Variants in ENTHD1 observed in about 807,000 individuals in gnomAD.
ENTHD1 encodes ENTH domain containing 1.
ENTHD1 carries 23 observed loss-of-function variants against 39.1 expected under a neutral mutation model. The ratio of observed to expected loss-of-function variants is 0.59; its 90% CI spans 0.42 to 0.83. The LOEUF is 0.83. Ranked by LOEUF, ENTHD1 falls within the 40% of genes least tolerant of loss-of-function variation. The pLI, the probability that ENTHD1 is intolerant of heterozygous loss-of-function variation, is 0.00. For synonymous variants in ENTHD1, 230 were observed against 258.2 expected (o/e 0.89, Z 1.05); for missense variants, 624 against 705.4 (o/e 0.88, Z 1.31).
At chr22:39,744,939 A>G (rs1222375408) in intron 6 of ENTHD1, among the ~76,000 whole-genome samples, 1 of 152,116 alleles carries the variant, frequency 6.6e-6, no homozygotes, top group Non-Finnish European at 1.5e-5. Context: ...GAAAGTTTTT[A>G]CTTCCTTTCT....
intron 2 of ENTHD1, among the ~76,000 whole-genome samples, chr22:39,884,551 G>GAA (rs200983153): frequency 3.8e-5 from 5 of 132,884 alleles, no homozygotes; most frequent in Non-Finnish European, 6.5e-5. Flanking sequence ...ACTCAGAATA[G>GAA]AAAAAAAAAA....
chr22:39,754,081 A>G (rs757054067), intron 6 of ENTHD1, among the ~76,000 whole-genome samples: 5 of 151,966 alleles, frequency 3.3e-5, no homozygotes, highest in Non-Finnish European at 5.9e-5. Context: ...TCAGCAAACC[A>G]TTTTTGTAAA....
intron 5 of ENTHD1, among the ~76,000 whole-genome samples, chr22:39,797,920 TGG>T: frequency 6.6e-6 from 1 of 152,278 alleles, no homozygotes; most frequent in South Asian, 2.1e-4. Flanking sequence ...GAAGACCTTT[TGG>T]GGTTGTATCT....
chr22:39,828,752 G>T (rs766795349), intron 4 of ENTHD1, among the ~76,000 whole-genome samples: 3 of 152,098 alleles, frequency 2.0e-5, no homozygotes, highest in Non-Finnish European at 2.9e-5. Context: ...ATGAAAAGCT[G>T]CAAATAGCCT....
chr22:39,847,564 CT>C (rs2066000682), intron 3 of ENTHD1, among the ~76,000 whole-genome samples: 1 of 150,546 alleles, frequency 6.6e-6, no homozygotes, highest in Non-Finnish European at 1.5e-5. Context: ...GATTAGCAAA[CT>C]TAAAAAAAAA....
Position 39,743,622 on chromosome 22 carries a change from G to GT in ENTHD1, c.*56dup. ...TAATATGAATTTATACAATGCTAAC[G>GT]TAAGTCTTGGGGAAGTGGAACCACA... On this transcript the variant is annotated 3_prime_UTR_variant, in exon 7 of 7. Coordinates refer to ENST00000325157, the MANE Select transcript of ENTHD1 (RefSeq NM_152512.4). 1.8e-5 allele frequency: 27 copies of GT among 1,511,462 alleles called. No individual in the cohort carries two copies. The highest frequency in any genetic ancestry group is 2.4e-5 in the Non-Finnish European group (27 of 1,132,498). 93.6% of individuals were successfully genotyped at this position (1,511,462 alleles called of 1,614,324 possible). A position where few individuals can be genotyped will look rare whatever the true frequency, so the allele number is the denominator to read the frequency against.
intron 2 of ENTHD1, among the ~76,000 whole-genome samples, chr22:39,870,476 C>A (rs1317401427): frequency 1.3e-5 from 2 of 151,984 alleles, no homozygotes; most frequent in Admixed American, 6.5e-5. Context: ...TATTCAGAGA[C>A]AAGAGTTGAG....
At chr22:39,846,909 G>A (rs1326742537) in intron 3 of ENTHD1, among the ~76,000 whole-genome samples, 1 of 152,104 alleles carries the variant, frequency 6.6e-6, no homozygotes, top group Non-Finnish European at 1.5e-5. Context: ...TGCTGGAGAG[G>A]ATGTGGAGAA....
intron 2 of ENTHD1, among the ~76,000 whole-genome samples, chr22:39,882,392 T>TA (rs1462350630): frequency 4.6e-5 from 7 of 152,010 alleles, no homozygotes; most frequent in Admixed American, 1.3e-4. Flanking sequence ...TGGACAGCGA[T>TA]AAAAAAATAT....
At chr22:39,787,615 C>T (rs1467471208) in intron 5 of ENTHD1, among the ~76,000 whole-genome samples, 2 of 152,152 alleles carry the variant, frequency 1.3e-5, no homozygotes, top group Non-Finnish European at 2.9e-5. Flanking sequence ...ATCAAACCAG[C>T]CCCAACATTC....
chr22:39,864,180 A>C (rs1256136501), intron 2 of ENTHD1, among the ~76,000 whole-genome samples: 1 of 152,208 alleles, frequency 6.6e-6, no homozygotes, highest in East Asian at 1.9e-4. Flanking sequence ...TTTTGGAGGC[A>C]CAAAGAACAT....
At chr22:39,889,412 A>T (rs1436388740) in intron 1 of ENTHD1, among the ~76,000 whole-genome samples, 5 of 152,172 alleles carry the variant, frequency 3.3e-5, no homozygotes, top group Non-Finnish European at 7.4e-5. Flanking sequence ...TGTATTAAGG[A>T]GGGTCAGTCA....
chr22:39,872,315 A>C (rs1170919563), intron 2 of ENTHD1, among the ~76,000 whole-genome samples: 3 of 152,158 alleles, frequency 2.0e-5, no homozygotes, highest in African/African-American at 7.2e-5. Flanking sequence ...ATTTTTCTTG[A>C]ATGTATTTTT....
intron 3 of ENTHD1, among the ~76,000 whole-genome samples, chr22:39,848,258 ATT>A (rs879735521): frequency 1.4e-5 from 2 of 145,506 alleles, no homozygotes; most frequent in African/African-American, 2.5e-5. Context: ...TAATTAATTA[ATT>A]TTTTTTTTTT....
intron 4 of ENTHD1, among the ~76,000 whole-genome samples, chr22:39,833,123 C>G (rs577500362): frequency 6.6e-6 from 1 of 152,148 alleles, no homozygotes; most frequent in African/African-American, 2.4e-5. Context: ...GCTACTTCTT[C>G]TTGGGGTATT....
At chr22:39,880,704 C>G (rs1219605372) in intron 2 of ENTHD1, among the ~76,000 whole-genome samples, 1 of 152,118 alleles carries the variant, frequency 6.6e-6, no homozygotes, top group African/African-American at 2.4e-5. Flanking sequence ...GAATTCTTGT[C>G]CCAGGATAGT....
chr22:39,885,757 T>C (rs1267231480), intron 2 of ENTHD1, among the ~76,000 whole-genome samples: 2 of 152,180 alleles, frequency 1.3e-5, no homozygotes, highest in Non-Finnish European at 2.9e-5. Context: ...ATTCCACTTA[T>C]AAGAGATACC....
At chr22:39,849,545 A>G (rs950480315) in intron 3 of ENTHD1, among the ~76,000 whole-genome samples, 2 of 152,218 alleles carry the variant, frequency 1.3e-5, no homozygotes, top group Non-Finnish European at 2.9e-5. Flanking sequence ...TAAACATGGA[A>G]TATCTTTCCA....
intron 6 of ENTHD1, among the ~76,000 whole-genome samples, chr22:39,760,116 T>C (rs2065220245): frequency 6.6e-6 from 1 of 152,048 alleles, no homozygotes; most frequent in Admixed American, 6.5e-5. Flanking sequence ...CTGCAGTGAT[T>C]GGATGTTGTG....
Sources: allele counts gnomAD v4.1 joint callset (sites outside exome capture counted in the v4.1 genomes callset), GRCh38; gene constraint gnomAD v4.1.1; transcripts MANE v1.5; gene names NCBI Gene and HGNC (gene_info 2026-07-23, HGNC 2026-07-21).